ASIC1: variants seen among roughly 807,000 people sequenced by gnomAD.
The protein encoded by ASIC1 is acid-sensing ion channel 1.
Under a neutral mutation model 63.4 loss-of-function variants are expected in ASIC1, and 21 were observed. The ratio of observed to expected loss-of-function variants is 0.33; its 90% CI spans 0.23 to 0.48. The LOEUF is 0.48. Ranked by LOEUF, ASIC1 falls within the 20% of genes least tolerant of loss-of-function variation. ASIC1 has a pLI of 0.99. For synonymous variants in ASIC1, 258 were observed against 278.2 expected (o/e 0.93, Z 0.72); for missense variants, 478 against 695.5 (o/e 0.69, Z 3.52).
At chr12:50,069,678 T>C (rs56990521) in intron 3 of ASIC1, among the ~76,000 whole-genome samples, 46,150 of 152,062 alleles carry the variant, frequency 0.3, 7,498 homozygotes, top group Non-Finnish European at 0.35. Flanking sequence ...CAAGTCCCTC[T>C]GTCATTCACT....
In ASIC1 at chr12:50,057,827, T is replaced by G. The variant is rs917917720; in HGVS notation, c.-106T>G. The G allele has an allele frequency of 6.6e-6, 1 of 150,752 alleles. No homozygotes were observed. Among genetic ancestry groups the G allele is most frequent in the Admixed American group, 6.6e-5 (1 of 15,130 alleles). 9.3% of individuals were successfully genotyped at this position (150,752 alleles called of 1,614,324 possible). On this transcript the variant is annotated 5_prime_UTR_variant, in exon 1 of 12. It removes an upstream start codon present in the reference 5' UTR. Coordinates refer to ENST00000447966, the MANE Select transcript of ASIC1 (RefSeq NM_001095.4). This position sits in a 1 kb window ranked among gnomAD's most constrained non-coding sequence, Gnocchi z 4.7. ...GGCCGCGGGCTCCGGCCCCGGGCCA[T>G]GAGCCCCTCCGCGACTCGGCGCTGA...
chr12:50,080,804 A>AGG, intron 9 of ASIC1: 1 of 1,308,026 alleles, frequency 7.6e-7, no homozygotes, highest in Non-Finnish European at 1.1e-6. Flanking sequence ...TGTGGGCATG[A>AGG]GGGAGGGGTA....
Position 50,074,860 on chromosome 12 carries a change from C to CTGTGTGTG in ASIC1, c.559-2313_559-2306dup, listed in dbSNP as rs376276861. 3.1e-3 allele frequency among the ~76,000 whole-genome samples: 439 copies of CTGTGTGTG among 141,508 alleles called. 2 individuals are homozygous for CTGTGTGTG. The highest frequency in any genetic ancestry group is 0.015 in the East Asian group (66 of 4,550). 92.8% of individuals were successfully genotyped at this position (141,508 alleles called of 152,430 possible). ...TATGGACGCCCCACCCCCACCAGCT[C>CTGTGTGTG]TGTGTGTGTGTGTGTGTGTGTGTGT... On this transcript the variant is annotated intron_variant, in intron 3 of 11. Coordinates refer to ENST00000447966, the MANE Select transcript of ASIC1 (RefSeq NM_001095.4). The surrounding 1 kb of genome is among the most constrained non-coding windows in gnomAD (Gnocchi z 4.2).
intron 3 of ASIC1, 188 bp from the exon 4 acceptor site, chr12:50,077,025 C>A: frequency 1.0e-6 from 1 of 979,928 alleles, no homozygotes; most frequent in East Asian, 2.5e-5. Flanking sequence ...AACAGTTTTC[C>A]AGGGCACACA....
rs528186683 is a variant in ASIC1 at position 50,071,097 on chromosome 12, C to T, written c.559-6116C>T. Among the ~76,000 whole-genome samples, 36 of 152,104 alleles carry T rather than the reference C, an allele frequency of 2.4e-4. No homozygotes were observed. In the South Asian group the frequency reaches 6.9e-3, roughly 29 times the overall value. ...GGGCACTAACAGCACCCTGTGGAGT[C>T]GGGAGGATTCTTGGAGGAGGTAACA... On this transcript the variant is annotated intron_variant, in intron 3 of 11. Transcript: ENST00000447966.
In ASIC1 at chr12:50,059,319, C is replaced by T. The variant is rs979638982; in HGVS notation, c.362+191C>T. 6.6e-6 allele frequency among the ~76,000 whole-genome samples: 1 copy of T among 152,126 alleles called. No homozygotes were observed. Among genetic ancestry groups the T allele is most frequent in the Non-Finnish European group, 1.5e-5 (1 of 68,014 alleles). On this transcript the variant is annotated intron_variant, in intron 2 of 11. Coordinates refer to ENST00000447966, the MANE Select transcript of ASIC1 (RefSeq NM_001095.4). The surrounding 1 kb of genome is among the most constrained non-coding windows in gnomAD (Gnocchi z 4.6). ...CACCCAGTTAAGGGCACCCAGCCTC[C>T]GATCCCAGCATAGTCCAGAACAGCT...
At chr12:50,062,246 C>T (rs1157535327) in intron 3 of ASIC1, among the ~76,000 whole-genome samples, 1 of 152,180 alleles carries the variant, frequency 6.6e-6, no homozygotes. Flanking sequence ...TAAGGGCTCC[C>T]ACACTCCTTG....
chr12:50,073,660 G>C (rs1053497326), intron 3 of ASIC1: 5 of 1,536,160 alleles, frequency 3.3e-6, no homozygotes, highest in Non-Finnish European at 4.4e-6. Flanking sequence ...AGATATTTGG[G>C]GTCCCCACCA....
At position 50,061,220 on chromosome 12, in the gene ASIC1, A is replaced by G. The variant is rs142841803; in HGVS notation, c.558+1266A>G. ...TTGCTTCCTCCTGCAGTATGGGAATATGAACTGTATTTGTGCAGAAAGGAT... is the reference window on the plus strand; with the variant it reads ...TTGCTTCCTCCTGCAGTATGGGAATGTGAACTGTATTTGTGCAGAAAGGAT... On this transcript the variant is annotated intron_variant, in intron 3 of 11. Coordinates refer to ENST00000447966, the MANE Select transcript of ASIC1 (RefSeq NM_001095.4). 1.2e-4 allele frequency among the ~76,000 whole-genome samples: 19 copies of G among 152,246 alleles called. No homozygotes were observed. The East Asian group carries it at 3.7e-3, about 29-fold the overall frequency.
At chr12:50,080,322 A>G in intron 8 of ASIC1, 176 bp from the exon 9 acceptor site, 1 of 781,806 alleles carries the variant, frequency 1.3e-6, no homozygotes, top group South Asian at 1.6e-5. Context: ...ATGGTACAGA[A>G]CATTTTTTCA....
rs769856315 is a variant in ASIC1 at position 50,077,253 on chromosome 12, G to A, written c.599G>A (p.Gly200Asp). 2 of 1,613,692 alleles carry A rather than the reference G, an allele frequency of 1.2e-6. No individual in the cohort carries two copies. The highest frequency in any genetic ancestry group is 2.2e-5 in the East Asian group (1 of 44,892). The change falls in exon 4 of 12, where the codon GGC becomes GAC. Residue 200 changes from glycine to aspartate, a missense_variant. Transcript: ENST00000447966. Reference sequence around the variant, plus strand: ...GGAAAGTGCTACACGTTCAACTCGGGCCGAGATGGGCGGCCGCGGCTGAAG... The same window carrying A: ...GGAAAGTGCTACACGTTCAACTCGGACCGAGATGGGCGGCCGCGGCTGAAG... ...RYGKCYTFNS[G>D]RDGRPRLKTM...
chr12:50,079,777 G>A, intron 7 of ASIC1, 125 bp from the exon 8 acceptor site: 2 of 1,194,336 alleles, frequency 1.7e-6, no homozygotes, highest in South Asian at 1.5e-5. Flanking sequence ...CAGGCAGGGT[G>A]AAGGGCAGGT....
intron 7 of ASIC1, 77 bp downstream of exon 7, chr12:50,079,057 C>T (rs189053113): frequency 1.7e-5 from 25 of 1,436,756 alleles, no homozygotes; most frequent in Middle Eastern, 3.5e-4. Flanking sequence ...TTTCAGGTCA[C>T]GCTCCCAGAA....
At chr12:50,068,195 G>A (rs1950564151) in intron 3 of ASIC1, among the ~76,000 whole-genome samples, 1 of 151,990 alleles carries the variant, frequency 6.6e-6, no homozygotes, top group Non-Finnish European at 1.5e-5. Context: ...GTTGTGTGTG[G>A]AAGTGGTTAG....
chr12:50,081,947 G>T lies in ASIC1; in HGVS notation c.*298G>T. 2.3e-6 allele frequency: 1 copy of T among 425,542 alleles called. No individual in the cohort carries two copies. Among genetic ancestry groups the T allele is most frequent in the Non-Finnish European group, 4.3e-6 (1 of 233,622 alleles). The allele number at this position is 425,542 out of a possible 1,614,324, so 26.4% of individuals were successfully genotyped here. A position where few individuals can be genotyped will look rare whatever the true frequency, so the allele number is the denominator to read the frequency against. On this transcript the variant is annotated 3_prime_UTR_variant, in exon 12 of 12. Transcript: ENST00000447966. ...TCCCCTAGCTCCCAGCCTGAATTCT[G>T]TCTATCTAGCTGTCTGCCATCTGAG...
At position 50,069,102 on chromosome 12, in the gene ASIC1, C is replaced by T. The variant is rs527835706; in HGVS notation, c.559-8111C>T. Among the ~76,000 whole-genome samples the T allele has an allele frequency of 1.2e-4, 18 of 152,086 alleles. No individual in the cohort carries two copies. The South Asian group carries it at 1.5e-3, about 12-fold the overall frequency. The stretch of plus-strand genomic sequence containing the variant: ...CTCTCCAGCCACACTTGCCCCTTCT[C>T]ATCTCTCTCCTTCCAGGCCTTTGCA... On this transcript the variant is annotated intron_variant, in intron 3 of 11. Coordinates refer to ENST00000447966, the MANE Select transcript of ASIC1 (RefSeq NM_001095.4).
intron 3 of ASIC1, chr12:50,076,964 C>A: frequency 1.5e-6 from 1 of 648,982 alleles, no homozygotes; most frequent in Non-Finnish European, 2.8e-6. Context: ...TCAACCCCAA[C>A]TAGAAGCCCA....
chr12:50,080,805 G>A, intron 9 of ASIC1: 1 of 1,309,582 alleles, frequency 7.6e-7, no homozygotes, highest in East Asian at 2.5e-5. Flanking sequence ...GTGGGCATGA[G>A]GGAGGGGTAG....
At chr12:50,060,528 C>G (rs1950491744) in intron 3 of ASIC1, among the ~76,000 whole-genome samples, 1 of 152,190 alleles carries the variant, frequency 6.6e-6, no homozygotes, top group African/African-American at 2.4e-5. Context: ...CCATCCGCAC[C>G]CCATACATAG....
Sources: gnomAD v4.1 joint callset for allele counts (sites outside exome capture counted in the v4.1 genomes callset) on GRCh38, gnomAD v4.1.1 for gene constraint, Gnocchi (gnomAD v3.1) non-coding constraint, MANE v1.5 for transcripts, NCBI Gene and HGNC (gene_info 2026-07-23, HGNC 2026-07-21) for gene names.